Variants in TSFM observed in about 807,000 individuals in gnomAD.
The protein encoded by TSFM is Ts translation elongation factor, mitochondrial.
Under a neutral mutation model 33.4 loss-of-function variants are expected in TSFM, and 29 were observed. The ratio of observed to expected loss-of-function variants is 0.87; its 90% CI spans 0.65 to 1.18. TSFM has a LOEUF of 1.18. Among genes scored for constraint, TSFM ranks in the 50% most tolerant of loss-of-function variants. TSFM has a pLI of 0.00. For synonymous variants in TSFM, 178 were observed against 163.5 expected, an observed-to-expected ratio of 1.09 and a Z score of -0.68; for missense variants, 394 against 395.6, an observed-to-expected ratio of 1.00 and a Z score of 0.04.
chr12:57,797,594 T>C (rs568300779), downstream of TSFM: 1 of 928,204 alleles, frequency 1.1e-6, no homozygotes, highest in South Asian at 5.0e-5. Context: ...TGTTTTTTGG[T>C]TCTCTTTCTT....
At chr12:57,792,646 G>A (rs1301096977) in intron 4 of TSFM, among the ~76,000 whole-genome samples, 1 of 151,542 alleles carries the variant, frequency 6.6e-6, no homozygotes, top group African/African-American at 2.4e-5. Flanking sequence ...CGGCTGGAGT[G>A]CATTGGCATA....
At chr12:57,802,271 G>T, downstream of TSFM, 1 of 1,614,050 alleles carries the variant, frequency 6.2e-7, no homozygotes, top group African/African-American at 1.3e-5. Flanking sequence ...TGGGGTGAGT[G>T]TGCAGGTACT....
rs117379933 is a variant in TSFM, at chr12:57,785,953, G to A, written c.232-210G>A. ...AGAAAATACAACTGTGTGCCCCATA[G>A]GGTTGTTGTGAAGATTAGATTCATC... On this transcript the variant is annotated intron_variant, in intron 2 of 5. Transcript: ENST00000652027. Among the ~76,000 whole-genome samples, 1,271 of 152,308 alleles carry A rather than the reference G, an allele frequency of 8.3e-3. 8 individuals carry two copies. Among genetic ancestry groups the A allele is most frequent in the Middle Eastern group, 0.02 (6 of 294 alleles).
chr12:57,786,533 GCACAGGCTTACACCTTGT>G (rs372344155), intron 3 of TSFM, among the ~76,000 whole-genome samples: 261 of 152,312 alleles, frequency 1.7e-3, no homozygotes, highest in African/African-American at 5.8e-3. Flanking sequence ...TGTGAGTCTG[GCACAGGCTTACACCTTGT>G]CACTGATTGT....
rs751026822 is a variant in TSFM, at chr12:57,787,147, C to G, written c.468C>G (p.Pro156=). 5.1e-6 allele frequency: 8 copies of G among 1,582,324 alleles called. No individual in the cohort carries two copies. The Admixed American group carries it at 1.5e-4, about 29-fold the overall frequency. ...ATTGTCAGACCCTAAAGGATCAACCCTCTGCATACAGTAAAGTAAGTTTGG... is the reference window on the plus strand; with the variant it reads ...ATTGTCAGACCCTAAAGGATCAACCGTCTGCATACAGTAAAGTAAGTTTGG... ...MMHCQTLKDQ[P]SAYSKGFLNS... The change falls in exon 4 of 6, where the codon CCC becomes CCG. Residue 156 remains proline, a synonymous_variant. Coordinates refer to ENST00000652027, the MANE Select transcript of TSFM (RefSeq NM_005726.6).
At chr12:57,799,831 C>T, downstream of TSFM, 7 of 1,614,108 alleles carry the variant, frequency 4.3e-6, no homozygotes, top group Non-Finnish European at 5.9e-6. Flanking sequence ...CAGGCAGCTC[C>T]TGATTCTGGT....
chr12:57,785,669 T>A (rs1411175715), intron 2 of TSFM, among the ~76,000 whole-genome samples: 1 of 152,158 alleles, frequency 6.6e-6, no homozygotes, highest in African/African-American at 2.4e-5. Flanking sequence ...AGTAACATAG[T>A]TGTTCATTAT....
chr12:57,792,942 A>T, intron 4 of TSFM, 44 bp from the exon 5 acceptor site: 1 of 1,572,074 alleles, frequency 6.4e-7, no homozygotes. Context: ...TGATAATTTG[A>T]ATAGTACAGA....
In TSFM at chr12:57,788,556, C is replaced by T. The variant is rs559392394; in HGVS notation, c.483+1394C>T. Among the ~76,000 whole-genome samples, 242 of 152,280 alleles carry T rather than the reference C, an allele frequency of 1.6e-3. 2 individuals carry two copies. The highest frequency in any genetic ancestry group is 7.1e-3 in the Admixed American group (109 of 15,296). On this transcript the variant is annotated intron_variant, in intron 4 of 5. Coordinates refer to ENST00000652027, the MANE Select transcript of TSFM (RefSeq NM_005726.6). ...CCTCCCAAAGTGCTGGGATTACAGG[C>T]GTGAGCCACCATGCCTGGCCCCAGT...
chr12:57,801,082 G>A, downstream of TSFM: 7 of 1,388,590 alleles, frequency 5.0e-6, 1 homozygote, highest in Non-Finnish European at 4.1e-6. Flanking sequence ...TGTAGCATTT[G>A]TGTGTTCTCT....
chr12:57,796,369 G>A lies in TSFM; in HGVS notation c.764G>A (p.Arg255His), dbSNP rs767624430. 47 of 1,602,348 alleles carry A rather than the reference G, an allele frequency of 2.9e-5. No homozygotes were observed. The highest frequency in any genetic ancestry group is 3.4e-5 in the Non-Finnish European group (40 of 1,174,350). The part of the protein sequence containing the change: ...QKTNLEDVGR[R>H]LGQHVVGMAP... The stretch of plus-strand genomic sequence containing the variant: ...ACAAACCTTGAAGACGTTGGCCGCC[G>A]CCTTGGGCAGCATGTGGTGGGCATG... Residue 255 changes from arginine to histidine, a missense_variant, in exon 6 of 6, where the codon CGC becomes CAC. By Grantham distance (29) the Arg-to-His change is conservative. Around this residue, in one of 3 missense-constraint regions of TSFM, gnomAD observed 186 missense variants for 198.8 expected, o/e 0.94. Transcript: ENST00000652027.
chr12:57,802,174 G>T, downstream of TSFM: 2 of 1,613,930 alleles, frequency 1.2e-6, no homozygotes, highest in East Asian at 4.5e-5. Context: ...CAAATGTTAG[G>T]GTCCCAGGCT....
At chr12:57,783,972 G>A in intron 2 of TSFM, 1 of 702,818 alleles carries the variant, frequency 1.4e-6, no homozygotes, top group Non-Finnish European at 2.6e-6. Context: ...ACGGTCATGC[G>A]TCTCTTAATA....
chr12:57,785,884 C>T (rs1955584386), intron 2 of TSFM, among the ~76,000 whole-genome samples: 1 of 152,124 alleles, frequency 6.6e-6, no homozygotes, highest in African/African-American at 2.4e-5. Flanking sequence ...TATATGCAGT[C>T]CGTCATTGTC....
intron 4 of TSFM, 129 bp downstream of exon 4, chr12:57,787,291 C>G: frequency 1.0e-6 from 1 of 981,862 alleles, no homozygotes; most frequent in Non-Finnish European, 1.5e-6. Context: ...TATCTCTTTG[C>G]ATAGAATTAC....
At chr12:57,788,060 TCA>T (rs1491270759) in intron 4 of TSFM, among the ~76,000 whole-genome samples, 6 of 152,228 alleles carry the variant, frequency 3.9e-5, no homozygotes, top group Admixed American at 1.3e-4. Flanking sequence ...AACCAACCAC[TCA>T]CAGTAATTTT....
Position 57,786,092 on chromosome 12 carries a change from A to G in TSFM, c.232-71A>G, listed in dbSNP as rs1264090414. 6.2e-6 allele frequency: 9 copies of G among 1,453,184 alleles called. No homozygotes were observed. The East Asian group carries it at 1.3e-4, about 20-fold the overall frequency. 90.0% of individuals were successfully genotyped at this position (1,453,184 alleles called of 1,614,324 possible). Reference sequence around the variant, plus strand: ...ATTTAGAGAATCAGGAAACCTGAGTATATCTTAGAACTACATTTAGTGCTA... The same window carrying G: ...ATTTAGAGAATCAGGAAACCTGAGTGTATCTTAGAACTACATTTAGTGCTA... On this transcript the variant is annotated intron_variant, in intron 2 of 5. Coordinates refer to ENST00000652027, the MANE Select transcript of TSFM (RefSeq NM_005726.6).
At chr12:57,802,087 C>G (rs145991086), downstream of TSFM, 172 of 1,528,074 alleles carry the variant, frequency 1.1e-4, no homozygotes, top group African/African-American at 2.2e-3. Flanking sequence ...AATCAGTACT[C>G]CACCTTCCTG....
chr12:57,801,105 C>T, downstream of TSFM: 1 of 1,576,322 alleles, frequency 6.3e-7, no homozygotes, highest in Non-Finnish European at 8.7e-7. Context: ...CTCTGGTTGC[C>T]CATGTGGCTG....
Sources: gnomAD v4.1 joint callset for allele counts (sites outside exome capture counted in the v4.1 genomes callset) on GRCh38, gnomAD v4.1.1 for gene constraint, gnomAD v4.1.1 regional missense constraint, MANE v1.5 for transcripts, NCBI Gene and HGNC (gene_info 2026-07-23, HGNC 2026-07-21) for gene names.